SNX4: variants seen among roughly 807,000 people sequenced by gnomAD.
The protein encoded by SNX4 is sorting nexin 4, also known as sorting nexin-4.
Under a neutral mutation model 70.8 loss-of-function variants are expected in SNX4, and 49 were observed. The ratio of observed to expected loss-of-function variants is 0.69; its 90% CI spans 0.55 to 0.88. The LOEUF (loss-of-function observed/expected upper bound fraction) is 0.88, where lower values mean the gene tolerates loss of function less well. SNX4 is among the 40% of genes least tolerant of loss of function. The pLI, the probability that SNX4 is intolerant of heterozygous loss-of-function variation, is 0.00. For missense variants in SNX4, 528 were observed against 544.8 expected (o/e 0.97, Z 0.31); for synonymous variants, 206 against 183.8 (o/e 1.12, Z -0.98).
At chr3:125,447,907 A>C in intron 13 of SNX4, 81 bp from the exon 14 acceptor site, 1 of 855,596 alleles carries the variant, frequency 1.2e-6, no homozygotes, top group Non-Finnish European at 1.8e-6. Flanking sequence ...TGGTACACTA[A>C]GTTTTGCTTT....
rs752629640 is a variant in SNX4 at position 125,453,788 on chromosome 3, T to G, written c.1190+22A>C. 7 of 1,611,440 alleles carry G rather than the reference T, an allele frequency of 4.3e-6. No individual in the cohort carries two copies. The Admixed American group carries it at 6.7e-5, about 15-fold the overall frequency. ...CATATAGTCTACAAGCCTAGCTTAC[T>G]TAAACATCGCAGCATCTTTACCTGC... On this transcript the variant is annotated intron_variant, in intron 12 of 13. Transcript: ENST00000251775.
chr3:125,460,296 T>C (rs113107755), intron 10 of SNX4, among the ~76,000 whole-genome samples: 6 of 151,982 alleles, frequency 3.9e-5, no homozygotes, highest in African/African-American at 1.5e-4. Flanking sequence ...AAAAAATATA[T>C]TAACTTTTTC....
intron 9 of SNX4, among the ~76,000 whole-genome samples, chr3:125,468,541 A>C (rs960180548): frequency 9.3e-5 from 14 of 150,196 alleles, no homozygotes; most frequent in Non-Finnish European, 1.9e-4. Flanking sequence ...TCTCTAAAAA[A>C]AGAAAAAAAA....
chr3:125,487,931 C>G (rs1463510571), intron 6 of SNX4, among the ~76,000 whole-genome samples: 1 of 151,624 alleles, frequency 6.6e-6, no homozygotes, highest in Admixed American at 6.6e-5. Context: ...CAAAAACTGC[C>G]CAACACCAAG....
intron 5 of SNX4, among the ~76,000 whole-genome samples, chr3:125,490,815 T>C (rs1003103076): frequency 3.3e-5 from 5 of 151,962 alleles, no homozygotes; most frequent in Non-Finnish European, 7.4e-5. Flanking sequence ...CAAACAACTT[T>C]TCTAACCAAG....
At chr3:125,453,402 T>C (rs1933626623) in intron 12 of SNX4, among the ~76,000 whole-genome samples, 2 of 152,104 alleles carry the variant, frequency 1.3e-5, no homozygotes, top group Non-Finnish European at 2.9e-5. Context: ...TGCAGGAAAA[T>C]AATATTATGA....
intron 11 of SNX4, 118 bp downstream of exon 11, chr3:125,457,148 C>G (rs1933738050): frequency 1.4e-6 from 1 of 713,954 alleles, no homozygotes; most frequent in Non-Finnish European, 2.5e-6. Context: ...TTCAGCCGTC[C>G]TGAGTATTGT....
At chr3:125,508,186 C>T (rs1935091639) in intron 1 of SNX4, among the ~76,000 whole-genome samples, 1 of 152,194 alleles carries the variant, frequency 6.6e-6, no homozygotes, top group African/African-American at 2.4e-5. Context: ...CAATGACATT[C>T]TTTGACATTC....
intron 6 of SNX4, among the ~76,000 whole-genome samples, chr3:125,481,533 C>T (rs1183754573): frequency 6.6e-6 from 1 of 151,734 alleles, no homozygotes; most frequent in Non-Finnish European, 1.5e-5. Flanking sequence ...ACCACAACCT[C>T]CGCCTCCCGA....
chr3:125,477,334 C>T (rs1340525672), intron 7 of SNX4, among the ~76,000 whole-genome samples: 1 of 152,182 alleles, frequency 6.6e-6, no homozygotes, highest in Non-Finnish European at 1.5e-5. Flanking sequence ...AAGATAACTC[C>T]TAACCAACGA....
chr3:125,502,259 C>T (rs1934944542), intron 2 of SNX4, among the ~76,000 whole-genome samples: 1 of 152,082 alleles, frequency 6.6e-6, no homozygotes, highest in African/African-American at 2.4e-5. Context: ...GATACATAAA[C>T]ATACATATGT....
chr3:125,510,772 T>A (rs912734472), intron 1 of SNX4, among the ~76,000 whole-genome samples: 1 of 152,008 alleles, frequency 6.6e-6, no homozygotes, highest in African/African-American at 2.4e-5. Context: ...CAGGGGGAAA[T>A]AGGTAGCTGT....
intron 11 of SNX4, among the ~76,000 whole-genome samples, chr3:125,456,250 G>A (rs913983043): frequency 1.3e-5 from 2 of 152,202 alleles, no homozygotes; most frequent in East Asian, 1.9e-4. Flanking sequence ...CCTGTTAGGC[G>A]AGATGCACTG....
At chr3:125,501,155 A>T (rs1273985351) in intron 2 of SNX4, among the ~76,000 whole-genome samples, 1 of 152,216 alleles carries the variant, frequency 6.6e-6, no homozygotes, top group Non-Finnish European at 1.5e-5. Context: ...AACCTTAGGG[A>T]TAGTATAAAA....
Position 125,495,275 on chromosome 3 carries a change from T to TATATATATATATATATATATATATATAC in SNX4, c.597+2065_597+2066insGTATATATATATATATATATATATATAT. ...TTATATATATATATATATATATATA[T>TATATATATATATATATATATATATATAC]ATACACATACACACACACACACGTA... On this transcript the variant is annotated intron_variant, in intron 5 of 13. Transcript: ENST00000251775. Among the ~76,000 whole-genome samples, 52 of 83,014 alleles carry TATATATATATATATATATATATATATAC rather than the reference T, an allele frequency of 6.3e-4. 3 individuals carry two copies. Among genetic ancestry groups the TATATATATATATATATATATATATATAC allele is most frequent in the African/African-American group, 1.6e-3 (44 of 27,542 alleles). The allele number at this position is 83,014 out of a possible 152,430, so 54.5% of individuals were successfully genotyped here.
At chr3:125,488,565 T>C (rs1934584272) in intron 6 of SNX4, among the ~76,000 whole-genome samples, 1 of 152,208 alleles carries the variant, frequency 6.6e-6, no homozygotes, top group African/African-American at 2.4e-5. Context: ...AGATTTTATA[T>C]TCAAAATTTA....
At chr3:125,492,163 TG>T (rs1394299377) in intron 5 of SNX4, among the ~76,000 whole-genome samples, 1 of 148,630 alleles carries the variant, frequency 6.7e-6, no homozygotes, top group African/African-American at 2.5e-5. Flanking sequence ...AGGCACAGTG[TG>T]AAGGTGGCCC....
chr3:125,514,677 C>A (rs1223157916), intron 1 of SNX4, among the ~76,000 whole-genome samples: 1 of 152,096 alleles, frequency 6.6e-6, no homozygotes, highest in African/African-American at 2.4e-5. Flanking sequence ...CAGGTGTGAG[C>A]CACTGTACCT....
intron 1 of SNX4, among the ~76,000 whole-genome samples, chr3:125,510,234 ATTT>A (rs879755383): frequency 7.0e-6 from 1 of 143,820 alleles, no homozygotes; most frequent in African/African-American, 2.5e-5. Context: ...AGATGAATGG[ATTT>A]TTTTTTTTTT....
Sources: allele counts gnomAD v4.1 joint callset (sites outside exome capture counted in the v4.1 genomes callset), GRCh38; gene constraint gnomAD v4.1.1; transcripts MANE v1.5; gene names NCBI Gene and HGNC (gene_info 2026-07-23, HGNC 2026-07-21).